ADAMTS19: variants seen among roughly 807,000 people sequenced by gnomAD.
ADAMTS19 encodes A disintegrin and metalloproteinase with thrombospondin motifs 19.
A neutral mutation model predicts 153.3 loss-of-function variants in ADAMTS19; 93 were observed. The ratio of observed to expected loss-of-function variants is 0.61; its 90% confidence interval spans 0.51 to 0.72. The LOEUF (loss-of-function observed/expected upper bound fraction) is 0.72. Among genes scored for constraint, ADAMTS19 ranks in the 30% least tolerant of loss-of-function variants. The pLI is 0.00. For synonymous variants in ADAMTS19, 600 were observed against 556.6 expected (o/e 1.08, Z -1.10); for missense variants, 1,482 against 1,552.1 (o/e 0.95, Z 0.76).
At chr5:129,549,089 A>T (rs1249120319) in intron 6 of ADAMTS19, among the ~76,000 whole-genome samples, 1 of 149,962 alleles carries the variant, frequency 6.7e-6, no homozygotes, top group Non-Finnish European at 1.5e-5. Flanking sequence ...TGACGAGTTA[A>T]TGGGTGCAGC....
At position 129,674,503 on chromosome 5, in the gene ADAMTS19, G is replaced by A. The variant is rs563742486; in HGVS notation, c.2507-5261G>A. On this transcript the variant is annotated intron_variant, in intron 16 of 22. Coordinates refer to ENST00000274487, the MANE Select transcript of ADAMTS19 (RefSeq NM_133638.6). ...TTTTCTCTGGCTTCTGTTGGACTGA[G>A]TACACTTTTTACTATTCCAGTGTCT... Among the ~76,000 whole-genome samples the A allele has an allele frequency of 1.2e-4, 19 of 152,152 alleles. No homozygotes were observed. In the East Asian group the frequency reaches 3.7e-3, roughly 29 times the overall value.
intron 2 of ADAMTS19, among the ~76,000 whole-genome samples, chr5:129,464,926 A>G (rs1749801994): frequency 6.6e-6 from 1 of 152,218 alleles, no homozygotes; most frequent in Non-Finnish European, 1.5e-5. Context: ...TTAAACATTT[A>G]TTGAACAACT....
intron 6 of ADAMTS19, among the ~76,000 whole-genome samples, chr5:129,538,721 T>G (rs190791588): frequency 6.6e-6 from 1 of 152,230 alleles, no homozygotes; most frequent in African/African-American, 2.4e-5. Flanking sequence ...TACATACTGT[T>G]TTATAATCCA....
chr5:129,557,172 T>C (rs1753342967), intron 7 of ADAMTS19, among the ~76,000 whole-genome samples: 1 of 152,112 alleles, frequency 6.6e-6, no homozygotes, highest in Non-Finnish European at 1.5e-5. Flanking sequence ...TAAATATATA[T>C]ATAAGGAGTA....
At chr5:129,735,360 A>G (rs1757621329) in intron 22 of ADAMTS19, among the ~76,000 whole-genome samples, 1 of 151,982 alleles carries the variant, frequency 6.6e-6, no homozygotes, top group Admixed American at 6.6e-5. Flanking sequence ...ATGCCACACC[A>G]CCCCAGGTCT....
chr5:129,655,793 A>G (rs1753523099), intron 14 of ADAMTS19, among the ~76,000 whole-genome samples: 1 of 152,240 alleles, frequency 6.6e-6, no homozygotes, highest in African/African-American at 2.4e-5. Flanking sequence ...CTGAGATTCC[A>G]TATTTTGCCA....
chr5:129,718,464 C>A (rs1756829066), intron 21 of ADAMTS19, among the ~76,000 whole-genome samples: 1 of 152,066 alleles, frequency 6.6e-6, no homozygotes, highest in Non-Finnish European at 1.5e-5. Context: ...ATAAGGCAGA[C>A]AAATTGCTTT....
chr5:129,622,676 T>C (rs893690328), intron 10 of ADAMTS19, among the ~76,000 whole-genome samples: 5 of 152,138 alleles, frequency 3.3e-5, no homozygotes, highest in Admixed American at 3.3e-4. Context: ...TCTGCAGGAA[T>C]TGGTTTCAGT....
intron 10 of ADAMTS19, among the ~76,000 whole-genome samples, chr5:129,630,844 T>G (rs1229425040): frequency 6.6e-6 from 1 of 152,004 alleles, no homozygotes; most frequent in Admixed American, 6.6e-5. Context: ...GACAAAGGGT[T>G]GTTGTCCAAA....
chr5:129,737,040 G>A (rs1479881998), intron 22 of ADAMTS19, 27 bp from the exon 23 acceptor site: 2 of 1,555,240 alleles, frequency 1.3e-6, no homozygotes, highest in Admixed American at 1.8e-5. Flanking sequence ...TCTGCATGGA[G>A]TGAATTCACT....
intron 21 of ADAMTS19, among the ~76,000 whole-genome samples, chr5:129,732,301 A>G (rs762330743): frequency 5.3e-5 from 8 of 152,124 alleles, no homozygotes; most frequent in Admixed American, 1.3e-4. Flanking sequence ...CCACTCCTCA[A>G]CATAGCCCTG....
chr5:129,718,389 C>T (rs1262900087), intron 21 of ADAMTS19, among the ~76,000 whole-genome samples: 1 of 151,966 alleles, frequency 6.6e-6, no homozygotes, highest in Non-Finnish European at 1.5e-5. Context: ...CACACATACA[C>T]AAAAAAACAC....
intron 11 of ADAMTS19, among the ~76,000 whole-genome samples, chr5:129,647,214 GAAAAAAAA>G (rs34958335): frequency 2.0e-5 from 2 of 102,312 alleles, no homozygotes; most frequent in Non-Finnish European, 2.1e-5. Context: ...AATTCTTTCA[GAAAAAAAA>G]AAAAAAAAAA....
At chr5:129,612,407 T>A (rs543170852) in intron 8 of ADAMTS19, among the ~76,000 whole-genome samples, 11 of 151,918 alleles carry the variant, frequency 7.2e-5, no homozygotes, top group South Asian at 6.2e-4. Context: ...AAGAAAAGAA[T>A]TTTCAACCCA....
intron 6 of ADAMTS19, among the ~76,000 whole-genome samples, chr5:129,546,510 T>C (rs935998262): frequency 1.0e-4 from 15 of 150,660 alleles, no homozygotes; most frequent in Non-Finnish European, 1.9e-4. Context: ...AGCAAATGCA[T>C]GAAAAAAAGG....
At chr5:129,593,795 AT>A (rs1378385544) in intron 7 of ADAMTS19, among the ~76,000 whole-genome samples, 1 of 152,150 alleles carries the variant, frequency 6.6e-6, no homozygotes, top group Non-Finnish European at 1.5e-5. Context: ...CTCCAAACTC[AT>A]GCACTCCATC....
At chr5:129,601,622 A>G (rs1750653761) in intron 8 of ADAMTS19, among the ~76,000 whole-genome samples, 1 of 152,202 alleles carries the variant, frequency 6.6e-6, no homozygotes, top group Non-Finnish European at 1.5e-5. Flanking sequence ...GCATCAAAGG[A>G]AAAAGTCACA....
intron 7 of ADAMTS19, among the ~76,000 whole-genome samples, chr5:129,562,639 CGT>C (rs909541819): frequency 5.3e-5 from 8 of 151,010 alleles, no homozygotes; most frequent in Non-Finnish European, 7.4e-5. Flanking sequence ...TGTGTGTGTG[CGT>C]GTGTGTGTGT....
chr5:129,514,976 G>A (rs1455151471), intron 3 of ADAMTS19, among the ~76,000 whole-genome samples: 2 of 152,070 alleles, frequency 1.3e-5, no homozygotes, highest in African/African-American at 4.8e-5. Context: ...TATGGTGAGA[G>A]ATAGGGATAA....
Sources: allele counts gnomAD v4.1 joint callset (sites outside exome capture counted in the v4.1 genomes callset), GRCh38; gene constraint gnomAD v4.1.1; transcripts MANE v1.5; gene names NCBI Gene and HGNC (gene_info 2026-07-23, HGNC 2026-07-21).